The following ROBO1 variants were observed in gnomAD, a reference collection of about 807,000 sequenced individuals.
ROBO1 encodes roundabout guidance receptor 1.
ROBO1 carries 149 observed loss-of-function variants against 195.9 expected under a neutral mutation model. The ratio of observed to expected loss-of-function variants is 0.76; its 90% CI spans 0.67 to 0.87. The LOEUF (loss-of-function observed/expected upper bound fraction) is 0.87, where lower values mean the gene tolerates loss of function less well. Ranked by LOEUF, ROBO1 falls within the 40% of genes least tolerant of loss-of-function variation. ROBO1 has a pLI of 0.00. For missense variants in ROBO1, 1,933 were observed against 2,068.3 expected, an observed-to-expected ratio of 0.93 and a Z score of 1.27; for synonymous variants, 816 against 733.2, an observed-to-expected ratio of 1.11 and a Z score of -1.82.
intron 2 of ROBO1, among the ~76,000 whole-genome samples, chr3:79,559,689 C>T (rs891947892): frequency 4.6e-5 from 7 of 152,010 alleles, no homozygotes; most frequent in African/African-American, 1.7e-4. Context: ...GAGGTTGAGG[C>T]GGGCAGATTA....
Position 78,661,143 on chromosome 3 carries a change from A to G in ROBO1, c.2207T>C (p.Val736Ala), listed in dbSNP as rs1244839581. The change falls in exon 16 of 31, where the codon GTG becomes GCG. Residue 736 changes from valine to alanine, a missense_variant. Transcript: ENST00000464233. ...TCCCTTTCTGAGATCAGGGATTACC[A>G]CACTGTTTTTGGCTGGCGTCCTCAC... ...FEVRTPAKNS[V>A]VIPDLRKGVN... 6.2e-7 allele frequency: 1 copy of G among 1,613,710 alleles called. No homozygotes were observed. Among genetic ancestry groups the G allele is most frequent in the Non-Finnish European group, 8.5e-7 (1 of 1,179,792 alleles).
chr3:78,611,022 G>A (rs1236967968), intron 28 of ROBO1, among the ~76,000 whole-genome samples: 2 of 152,124 alleles, frequency 1.3e-5, no homozygotes, highest in South Asian at 2.1e-4. Flanking sequence ...AAATTGGATT[G>A]TGGACTTGTT....
chr3:78,759,218 G>A (rs2083025550), intron 4 of ROBO1: 1 of 152,750 alleles, frequency 6.5e-6, no homozygotes, highest in African/African-American at 2.4e-5. Context: ...TAAGGCTGAT[G>A]ACAACATGAT....
chr3:78,603,083 T>C (rs891356703), intron 29 of ROBO1, among the ~76,000 whole-genome samples: 1 of 152,168 alleles, frequency 6.6e-6, no homozygotes, highest in Non-Finnish European at 1.5e-5. Flanking sequence ...TCTACATTTC[T>C]TGTCTGGGGG....
intron 8 of ROBO1, among the ~76,000 whole-genome samples, chr3:78,705,952 G>A (rs1008899846): frequency 6.6e-6 from 1 of 152,010 alleles, no homozygotes; most frequent in African/African-American, 2.4e-5. Flanking sequence ...ATCTCTATAT[G>A]CTATTGAGTG....
At chr3:78,604,854 C>T (rs75966204) in intron 29 of ROBO1, among the ~76,000 whole-genome samples, 1 of 152,358 alleles carries the variant, frequency 6.6e-6, no homozygotes, top group East Asian at 1.9e-4. Flanking sequence ...TCACTCTTTG[C>T]TGATTCCTCA....
chr3:78,829,224 G>A (rs1325192704), intron 4 of ROBO1, among the ~76,000 whole-genome samples: 1 of 152,116 alleles, frequency 6.6e-6, no homozygotes, highest in Non-Finnish European at 1.5e-5. Context: ...GTCTGAAACA[G>A]AGTGAGTCCT....
chr3:79,510,434 C>T (rs778655874), intron 2 of ROBO1, among the ~76,000 whole-genome samples: 4 of 152,180 alleles, frequency 2.6e-5, no homozygotes, highest in Non-Finnish European at 5.9e-5. Context: ...TCCCCATTCT[C>T]TGGCATTTCT....
At chr3:78,885,465 C>A (rs990613115) in intron 4 of ROBO1, among the ~76,000 whole-genome samples, 3 of 116,008 alleles carry the variant, frequency 2.6e-5, no homozygotes, top group South Asian at 3.4e-4. Flanking sequence ...AAAAATATTT[C>A]TCTTGAAATA....
intron 23 of ROBO1, among the ~76,000 whole-genome samples, chr3:78,635,096 C>A (rs1026399083): frequency 6.6e-5 from 10 of 152,040 alleles, no homozygotes; most frequent in African/African-American, 2.2e-4. Flanking sequence ...ACAAAGAAAC[C>A]AAACACCTAT....
intron 2 of ROBO1, among the ~76,000 whole-genome samples, chr3:79,541,081 C>A (rs1306170752): frequency 1.3e-5 from 2 of 152,062 alleles, no homozygotes; most frequent in Non-Finnish European, 2.9e-5. Flanking sequence ...AAAGTGTTAA[C>A]TTCATACTGA....
intron 2 of ROBO1, among the ~76,000 whole-genome samples, chr3:79,437,439 T>C (rs560901510): frequency 6.6e-6 from 1 of 152,116 alleles, no homozygotes; most frequent in East Asian, 1.9e-4. Context: ...CCAACATATA[T>C]ACTCTTTTTT....
intron 2 of ROBO1, among the ~76,000 whole-genome samples, chr3:79,183,472 G>A (rs2081382476): frequency 6.6e-6 from 1 of 152,234 alleles, no homozygotes; most frequent in South Asian, 2.1e-4. Context: ...AATGGAAAAT[G>A]TAGCTGGCTG....
At chr3:78,939,389 C>T (rs572632420) in intron 3 of ROBO1, among the ~76,000 whole-genome samples, 20 of 150,452 alleles carry the variant, frequency 1.3e-4, no homozygotes, top group East Asian at 2.0e-4. Context: ...CCGAGGCGGG[C>T]GGATCACGAG....
intron 2 of ROBO1, among the ~76,000 whole-genome samples, chr3:79,487,177 A>G (rs979351099): frequency 2.4e-4 from 37 of 152,392 alleles, no homozygotes; most frequent in African/African-American, 6.7e-4. Context: ...CATAAAATGT[A>G]TAAGAAGTTA....
At chr3:78,848,959 A>G (rs1012595609) in intron 4 of ROBO1, among the ~76,000 whole-genome samples, 2 of 152,068 alleles carry the variant, frequency 1.3e-5, no homozygotes, top group Non-Finnish European at 2.9e-5. Context: ...GTGGTGGAAA[A>G]TCAGGATGAG....
intron 25 of ROBO1, among the ~76,000 whole-genome samples, chr3:78,628,369 A>G (rs1704957248): frequency 1.3e-5 from 2 of 152,176 alleles, no homozygotes; most frequent in African/African-American, 4.8e-5. Flanking sequence ...CTATTTCTTC[A>G]GCTGAAAACA....
chr3:79,594,298 C>T (rs190596635), intron 1 of ROBO1, among the ~76,000 whole-genome samples: 93 of 151,950 alleles, frequency 6.1e-4, no homozygotes, highest in African/African-American at 2.2e-3. Flanking sequence ...AATAGTTAAT[C>T]CAACAAGAAA....
chr3:78,860,177 A>AGATG (rs1363684537), intron 4 of ROBO1, among the ~76,000 whole-genome samples: 2 of 150,496 alleles, frequency 1.3e-5, no homozygotes, highest in Non-Finnish European at 3.0e-5. Context: ...ATAGATAGAT[A>AGATG]GATAGATGAT....
Sources: gnomAD v4.1 joint callset for allele counts (sites outside exome capture counted in the v4.1 genomes callset) on GRCh38, gnomAD v4.1.1 for gene constraint, MANE v1.5 for transcripts, NCBI Gene and HGNC (gene_info 2026-07-23, HGNC 2026-07-21) for gene names.